ATXN7: variants seen among roughly 807,000 people sequenced by gnomAD.
ATXN7 encodes the protein ataxin 7, also known as ataxin-7.
Under a neutral mutation model 70.5 loss-of-function variants are expected in ATXN7, and 12 were observed. The observed-to-expected ratio is 0.17, with a 90% confidence interval of 0.11 to 0.28. ATXN7 has a LOEUF of 0.28. Among genes scored for constraint, ATXN7 ranks in the 10% least tolerant of loss-of-function variants. The pLI is 1.00. For missense variants in ATXN7, 1,256 were observed against 1,131.7 expected (o/e 1.11, Z -1.58); for synonymous variants, 498 against 448.7 (o/e 1.11, Z -1.39).
chr3:63,980,011 G>T lies in ATXN7; in HGVS notation c.596G>T (p.Ser199Ile), dbSNP rs904655698. ...TCTCTGTCCAAAAGCAAAGGAGGCA[G>T]TGCAAGTGGAAGCAACCGTTCTTCC... ...FPSLSKSKGG[S>I]ASGSNRSSSG... Residue 199 changes from serine (S) to isoleucine (I), a missense_variant, in exon 6 of 13, where the codon AGT becomes ATT. Coordinates refer to ENST00000674280, the MANE Select transcript of ATXN7 (RefSeq NM_001377405.1). 6 of 1,614,064 alleles carry T rather than the reference G, an allele frequency of 3.7e-6. No individual in the cohort carries two copies. In the African/African-American group the frequency reaches 8.0e-5, roughly 22 times the overall value.
intron 12 of ATXN7, chr3:63,998,203 G>GGC (rs1303097939): frequency 9.7e-5 from 92 of 949,776 alleles, no homozygotes; most frequent in South Asian, 1.5e-4. Flanking sequence ...GGACAGAAGG[G>GGC]GGGGGGGCCA....
At chr3:63,913,274 C>G (rs779112910) in intron 4 of ATXN7, 49 bp downstream of exon 4, 2 of 1,559,264 alleles carry the variant, frequency 1.3e-6, no homozygotes, top group African/African-American at 1.4e-5. Context: ...TGGGAAGTTT[C>G]ATTGACAGTT....
intron 1 of ATXN7, among the ~76,000 whole-genome samples, chr3:63,867,776 G>A (rs1702478863): frequency 6.6e-6 from 1 of 152,154 alleles, no homozygotes; most frequent in Admixed American, 6.6e-5. Flanking sequence ...TGTAATCCCA[G>A]CTACTCAGGA....
At chr3:63,967,864 C>G (rs2075252165) in intron 5 of ATXN7, 2 of 1,533,962 alleles carry the variant, frequency 1.3e-6, no homozygotes, top group Admixed American at 3.9e-5. Context: ...AATCATGATG[C>G]AAGCCTGCAG....
rs570943826 is a variant in ATXN7, at chr3:63,876,300, C to T, written c.-111+12142C>T. On this transcript the variant is annotated intron_variant, in intron 1 of 12. Coordinates refer to ENST00000674280, the MANE Select transcript of ATXN7 (RefSeq NM_001377405.1). ...TTTAGTGTTCTGGCTCATAGCTCCTCTTAGCTGCTCTAAGAGGAGATATTT... is the reference window on the plus strand; with the variant it reads ...TTTAGTGTTCTGGCTCATAGCTCCTTTTAGCTGCTCTAAGAGGAGATATTT... Among the ~76,000 whole-genome samples the T allele has an allele frequency of 3.9e-5, 6 of 152,248 alleles. No homozygotes were observed. In the East Asian group the frequency reaches 1.2e-3, roughly 29 times the overall value.
intron 8 of ATXN7, among the ~76,000 whole-genome samples, chr3:63,985,008 A>C (rs1032233246): frequency 7.9e-5 from 12 of 152,186 alleles, no homozygotes; most frequent in African/African-American, 2.7e-4. Context: ...TGTATATACT[A>C]TGTTGTCTTC....
intron 2 of ATXN7, among the ~76,000 whole-genome samples, chr3:63,911,044 A>G (rs1470072537): frequency 6.6e-6 from 1 of 152,200 alleles, no homozygotes; most frequent in Non-Finnish European, 1.5e-5. Flanking sequence ...ACAAAAAAAA[A>G]AAGAATTCCA....
chr3:63,936,173 C>T (rs1297975248), intron 4 of ATXN7, among the ~76,000 whole-genome samples: 1 of 152,196 alleles, frequency 6.6e-6, no homozygotes, highest in Non-Finnish European at 1.5e-5. Context: ...TCGCTTTTCC[C>T]TTATTCAGTC....
chr3:63,995,701 G>A lies in ATXN7; in HGVS notation c.1879G>A (p.Ala627Thr). ...SVPAHGTTLN[A>T]QPAASGAMDP... ...ACCAGCTCATGGAACCACACTAAAT[G>A]CACAGCCTGCTGCTTCAGGGGCGAT... The change falls in exon 12 of 13, where the codon GCA (alanine) becomes ACA (threonine). Residue 627 changes from alanine to threonine, a missense_variant. Ala to Thr is a moderately conservative substitution (Grantham distance 58). Transcript: ENST00000674280. The A allele has an allele frequency of 6.2e-7, 1 of 1,614,182 alleles. No individual in the cohort carries two copies. The highest frequency in any genetic ancestry group is 8.5e-7 in the Non-Finnish European group (1 of 1,180,024).
intron 12 of ATXN7, 97 bp downstream of exon 12, chr3:63,996,580 G>A: frequency 8.7e-7 from 1 of 1,150,180 alleles, no homozygotes. Flanking sequence ...TTGGTTGGTT[G>A]GTTTGTAAAC....
At chr3:63,875,545 C>T (rs972507497) in intron 1 of ATXN7, among the ~76,000 whole-genome samples, 2 of 152,136 alleles carry the variant, frequency 1.3e-5, no homozygotes, top group Non-Finnish European at 2.9e-5. Context: ...CACAGATAGC[C>T]AGGTGAGGAG....
At position 63,999,471 on chromosome 3, in the gene ATXN7, C is replaced by G; in HGVS notation, c.*4C>G. ...AAAGCCAAAGGCACGTCCCTGACAG[C>G]TGAAAATAGCACGGGGAGGAATAAT... On this transcript the variant is annotated 3_prime_UTR_variant, in exon 13 of 13. Transcript: ENST00000674280. 2 of 1,613,988 alleles carry G rather than the reference C, an allele frequency of 1.2e-6. No homozygotes were observed. Among genetic ancestry groups the G allele is most frequent in the Non-Finnish European group, 1.7e-6 (2 of 1,179,956 alleles).
chr3:63,899,509 C>A (rs1423779549), intron 2 of ATXN7, among the ~76,000 whole-genome samples: 1 of 152,100 alleles, frequency 6.6e-6, no homozygotes, highest in Non-Finnish European at 1.5e-5. Context: ...CAGTGGCTCA[C>A]ACCTGTAATC....
At chr3:63,954,524 A>G (rs769759538) in intron 5 of ATXN7, among the ~76,000 whole-genome samples, 10 of 152,138 alleles carry the variant, frequency 6.6e-5, no homozygotes, top group Non-Finnish European at 1.3e-4. Context: ...CAGATTTTTT[A>G]GAACCAGAGT....
At chr3:63,941,737 T>TC (rs1176061293) in intron 4 of ATXN7, among the ~76,000 whole-genome samples, 1 of 152,206 alleles carries the variant, frequency 6.6e-6, no homozygotes, top group African/African-American at 2.4e-5. Context: ...TCATTTGACA[T>TC]CTTTTGGTCA....
intron 4 of ATXN7, among the ~76,000 whole-genome samples, chr3:63,920,701 T>A (rs1310658840): frequency 1.3e-5 from 2 of 152,162 alleles, no homozygotes; most frequent in African/African-American, 4.8e-5. Flanking sequence ...AGGGGAAGTA[T>A]CTACAGTTTG....
intron 1 of ATXN7, among the ~76,000 whole-genome samples, chr3:63,883,557 T>C (rs183317369): frequency 7.2e-5 from 11 of 152,020 alleles, no homozygotes; most frequent in Admixed American, 2.0e-4. Context: ...AAAAACAAAC[T>C]AGTTGTAACA....
intron 3 of ATXN7, 100 bp downstream of exon 3, chr3:63,913,023 G>A (rs1704116494): frequency 1.4e-6 from 2 of 1,427,516 alleles, no homozygotes; most frequent in African/African-American, 1.4e-5. Flanking sequence ...CCCCTCGAGG[G>A]GCAGAGATGC....
At chr3:63,886,209 A>C (rs1021192340) in intron 1 of ATXN7, among the ~76,000 whole-genome samples, 27 of 152,204 alleles carry the variant, frequency 1.8e-4, no homozygotes, top group Admixed American at 1.3e-4. Flanking sequence ...ATTGAACCAC[A>C]GAAGCAGAGA....
Sources: gnomAD v4.1 joint callset for allele counts (sites outside exome capture counted in the v4.1 genomes callset) on GRCh38, gnomAD v4.1.1 for gene constraint, MANE v1.5 for transcripts, NCBI Gene and HGNC (gene_info 2026-07-23, HGNC 2026-07-21) for gene names.